CD28: variants seen among roughly 807,000 people sequenced by gnomAD.
CD28 encodes CD28 molecule, also known as T-cell-specific surface glycoprotein CD28.
CD28 carries 8 observed loss-of-function variants against 21.4 expected under a neutral mutation model. The observed-to-expected ratio is 0.37, with a 90% CI of 0.22 to 0.68. The LOEUF is 0.68. Among genes scored for constraint, CD28 ranks in the 30% least tolerant of loss-of-function variants. CD28 has a pLI of 0.55. For synonymous variants in CD28, 106 were observed against 104.0 expected (o/e 1.02, Z -0.12); for missense variants, 239 against 272.2 (o/e 0.88, Z 0.86).
chr2:203,718,174 G>C (rs185325086), intron 1 of CD28, among the ~76,000 whole-genome samples: 13 of 152,226 alleles, frequency 8.5e-5, no homozygotes, highest in Admixed American at 2.6e-4. Flanking sequence ...AAGGTTATCA[G>C]AGCCATAGAC....
chr2:203,718,716 C>T lies in CD28; in HGVS notation c.53-7917C>T, dbSNP rs114370703. Among the ~76,000 whole-genome samples, 286 of 152,256 alleles carry T rather than the reference C, an allele frequency of 1.9e-3. 1 individual carries two copies. The highest frequency in any genetic ancestry group is 0.014 in the Middle Eastern group (4 of 294). ...TAACTGCTTCTTTAGCTTCCCAGTA[C>T]GTTTTATTTCTCTATGGTGCTACGA... is the stretch of plus-strand genomic sequence containing the variant. On this transcript the variant is annotated intron_variant, in intron 1 of 3. Transcript: ENST00000324106.
rs967156883 is a variant in CD28 at position 203,738,707 on chromosome 2, C to T, written c.*3795C>T. ...GGTCCTTGCTCAAGTGTCATCTTCT[C>T]CCCTAGTTAAACTACCCCACACCCT... On this transcript the variant is annotated 3_prime_UTR_variant, in exon 4 of 4. Transcript: ENST00000324106. The T allele has an allele frequency of 3.9e-5, 6 of 152,144 alleles. No homozygotes were observed. The highest frequency in any genetic ancestry group is 1.4e-4 in the African/African-American group (6 of 41,420). 9.4% of individuals were successfully genotyped at this position (152,144 alleles called of 1,614,324 possible). A position where few individuals can be genotyped will look rare whatever the true frequency, so the allele number is the denominator to read the frequency against.
chr2:203,721,872 C>T (rs1211675948), intron 1 of CD28, among the ~76,000 whole-genome samples: 8 of 152,256 alleles, frequency 5.3e-5, no homozygotes, highest in African/African-American at 1.9e-4. Flanking sequence ...ATGTCACACC[C>T]TGAGTTAGAC....
chr2:203,718,487 A>G (rs1362390847), intron 1 of CD28, among the ~76,000 whole-genome samples: 1 of 152,222 alleles, frequency 6.6e-6, no homozygotes, highest in African/African-American at 2.4e-5. Context: ...AGAAGCTTTC[A>G]TTGTTTTTGG....
At chr2:203,727,318 G>T (rs889318602) in intron 2 of CD28, among the ~76,000 whole-genome samples, 1 of 152,114 alleles carries the variant, frequency 6.6e-6, no homozygotes, top group Non-Finnish European at 1.5e-5. Flanking sequence ...GTGCCCTCAA[G>T]TAACAGCTGG....
At chr2:203,711,123 A>C (rs899663410) in intron 1 of CD28, among the ~76,000 whole-genome samples, 1 of 152,202 alleles carries the variant, frequency 6.6e-6, no homozygotes, top group African/African-American at 2.4e-5. Flanking sequence ...CCAAAAACCC[A>C]AAACCAAAAA....
chr2:203,721,391 T>C (rs1344171459), intron 1 of CD28, among the ~76,000 whole-genome samples: 1 of 152,162 alleles, frequency 6.6e-6, no homozygotes, highest in Non-Finnish European at 1.5e-5. Context: ...TCTGACAATC[T>C]TGTCTTTTGT....
intron 3 of CD28, among the ~76,000 whole-genome samples, chr2:203,733,888 C>T (rs1288107265): frequency 6.6e-6 from 1 of 152,140 alleles, no homozygotes; most frequent in African/African-American, 2.4e-5. Flanking sequence ...AGTGCTCAGG[C>T]AGGAGTGTAT....
intron 1 of CD28, among the ~76,000 whole-genome samples, chr2:203,717,063 TTTCCATCTCCTGGG>T (rs1693480025): frequency 6.6e-6 from 1 of 152,122 alleles, no homozygotes; most frequent in Non-Finnish European, 1.5e-5. Context: ...CCCAGGCTGG[TTTCCATCTCCTGGG>T]TTCAAGCGAT....
chr2:203,712,894 T>C (rs1292320080), intron 1 of CD28, among the ~76,000 whole-genome samples: 1 of 152,202 alleles, frequency 6.6e-6, no homozygotes, highest in Non-Finnish European at 1.5e-5. Flanking sequence ...TCATCTAATC[T>C]CCAAGTCCTA....
intron 1 of CD28, among the ~76,000 whole-genome samples, chr2:203,716,327 G>A (rs1007327657): frequency 3.3e-5 from 5 of 152,110 alleles, no homozygotes; most frequent in Non-Finnish European, 5.9e-5. Context: ...CTTCTTTCGC[G>A]TGCCTGTCAA....
Position 203,734,912 on chromosome 2 carries a change from A to T in CD28, c.663A>T (p.Ter221CysextTer25), listed in dbSNP as rs764067537. 2 of 1,614,010 alleles carry T rather than the reference A, an allele frequency of 1.2e-6. No individual in the cohort carries two copies. The highest frequency in any genetic ancestry group is 1.7e-6 in the Non-Finnish European group (2 of 1,179,914). ...GCGACTTCGCAGCCTATCGCTCCTG[A>T]CACGGACGCCTATCCAGAAGCCAGC... ...PPRDFAAYRS[*>C] Residue 221 changes from the stop codon to cysteine (C), a stop_lost, in exon 4 of 4, where the codon TGA (stop) becomes TGT (cysteine). Coordinates refer to ENST00000324106, the MANE Select transcript of CD28 (RefSeq NM_006139.4).
rs1016748417 is a variant in CD28, at chr2:203,735,991, G to C, written c.*1079G>C. ...CCACAGCTCTCCAGCCTGGGCGACA[G>C]AGTGAGACTCCATCTCAAACAACAA... On this transcript the variant is annotated 3_prime_UTR_variant, in exon 4 of 4. Coordinates refer to ENST00000324106, the MANE Select transcript of CD28 (RefSeq NM_006139.4). 1.4e-5 allele frequency: 2 copies of C among 143,770 alleles called. No homozygotes were observed. The highest frequency in any genetic ancestry group is 4.9e-5 in the African/African-American group (2 of 40,460). The allele number at this position is 143,770 out of a possible 1,614,324, so 8.9% of individuals were successfully genotyped here.
intron 1 of CD28, among the ~76,000 whole-genome samples, chr2:203,722,835 T>G (rs929037374): frequency 4.6e-5 from 7 of 152,204 alleles, no homozygotes; most frequent in Non-Finnish European, 1.0e-4. Flanking sequence ...AGTCTGTTCT[T>G]GGGATGTTGG....
At chr2:203,706,586 C>G (rs752155336), upstream of CD28, 1 of 1,596,322 alleles carries the variant, frequency 6.3e-7, no homozygotes, top group South Asian at 1.1e-5. Flanking sequence ...TGGTGGTGGC[C>G]GTGGATGACG....
At chr2:203,734,651 A>C in intron 3 of CD28, 133 bp from the exon 4 acceptor site, 2 of 1,042,198 alleles carry the variant, frequency 1.9e-6, no homozygotes, top group Non-Finnish European at 3.0e-6. Flanking sequence ...ACCCAAGTCC[A>C]AGGTGCTCAA....
chr2:203,725,284 C>G (rs1693713119), intron 1 of CD28, among the ~76,000 whole-genome samples: 1 of 128,886 alleles, frequency 7.8e-6, no homozygotes, highest in Non-Finnish European at 1.6e-5. Context: ...GAGCGAAACT[C>G]CGTCTCCAGA....
At chr2:203,727,654 ATATTTATT>A (rs1170621016) in intron 2 of CD28, among the ~76,000 whole-genome samples, 2 of 130,034 alleles carry the variant, frequency 1.5e-5, no homozygotes, top group East Asian at 4.4e-4. Context: ...TATTTTTTGT[ATATTTATT>A]TATTTATTTA....
intron 2 of CD28, among the ~76,000 whole-genome samples, chr2:203,729,361 G>A (rs1693829826): frequency 6.6e-6 from 1 of 152,126 alleles, no homozygotes; most frequent in African/African-American, 2.4e-5. Context: ...AAGGCCATTG[G>A]AAGTCACCGT....
Sources: allele counts gnomAD v4.1 joint callset (sites outside exome capture counted in the v4.1 genomes callset), GRCh38; gene constraint gnomAD v4.1.1; transcripts MANE v1.5; gene names NCBI Gene and HGNC (gene_info 2026-07-23, HGNC 2026-07-21).